MAP2K4: variants seen among roughly 807,000 people sequenced by gnomAD.
MAP2K4 encodes the protein mitogen-activated protein kinase kinase 4.
Under a neutral mutation model 48.5 loss-of-function variants are expected in MAP2K4, and 4 were observed. That is an observed-to-expected ratio of 0.08 (90% confidence interval 0.04 to 0.19). MAP2K4 has a LOEUF of 0.19. Ranked by LOEUF, MAP2K4 falls within the 10% of genes least tolerant of loss-of-function variation. The probability of loss-of-function intolerance (pLI) is 1.00; values close to 1 mark genes in which losing one functional copy is unlikely to be tolerated. For synonymous variants in MAP2K4, 166 were observed against 173.1 expected (o/e 0.96, Z 0.32); for missense variants, 258 against 493.3 (o/e 0.52, Z 4.52).
chr17:12,043,225 TG>T (rs1969851436), intron 1 of MAP2K4, among the ~76,000 whole-genome samples: 1 of 152,234 alleles, frequency 6.6e-6, no homozygotes, highest in South Asian at 2.1e-4. Context: ...ACTTGGAATT[TG>T]TTTTACTTGT....
At chr17:12,126,689 T>C (rs1416623814) in intron 8 of MAP2K4, among the ~76,000 whole-genome samples, 3 of 152,140 alleles carry the variant, frequency 2.0e-5, no homozygotes, top group Non-Finnish European at 4.4e-5. Context: ...CTTCAACATA[T>C]GGATTTGCTG....
intron 7 of MAP2K4, among the ~76,000 whole-genome samples, chr17:12,120,540 C>CA (rs1039128812): frequency 7.1e-6 from 1 of 140,974 alleles, no homozygotes; most frequent in African/African-American, 2.5e-5. Flanking sequence ...TCATTCCCCC[C>CA]CCCATAAAAA....
At chr17:12,131,772 AAGAC>A (rs1404627057) in intron 9 of MAP2K4, among the ~76,000 whole-genome samples, 3 of 152,194 alleles carry the variant, frequency 2.0e-5, no homozygotes, top group African/African-American at 7.2e-5. Flanking sequence ...CATTGATTAA[AAGAC>A]AGCACTGAAT....
chr17:12,035,389 C>T (rs958737611), intron 1 of MAP2K4, among the ~76,000 whole-genome samples: 4 of 152,086 alleles, frequency 2.6e-5, no homozygotes, highest in Admixed American at 1.3e-4. Context: ...TGGTGGCACA[C>T]GCCTGTAATC....
chr17:12,081,974 A>G lies in MAP2K4; in HGVS notation c.393+444A>G, dbSNP rs1273381280. 1.9e-6 allele frequency: 1 copy of G among 532,310 alleles called. No individual in the cohort carries two copies. The allele number at this position is 532,310 out of a possible 1,614,324, so 33.0% of individuals were successfully genotyped here. A position where few individuals can be genotyped will look rare whatever the true frequency, so the allele number is the denominator to read the frequency against. On this transcript the variant is annotated intron_variant, in intron 3 of 10. Coordinates refer to ENST00000353533, the MANE Select transcript of MAP2K4 (RefSeq NM_003010.4). This position sits in a 1 kb window ranked among gnomAD's most constrained non-coding sequence, Gnocchi z 4.2. The stretch of plus-strand genomic sequence containing the variant: ...TGGAAACCACGCACATGCTGTTGCC[A>G]CTAACCTCAACCTTACTCGGTCCTG...
intron 5 of MAP2K4, among the ~76,000 whole-genome samples, chr17:12,108,451 T>C (rs1180940761): frequency 1.3e-5 from 2 of 152,162 alleles, no homozygotes; most frequent in African/African-American, 4.8e-5. Flanking sequence ...CTAAATTTGG[T>C]TAACTCACTT....
intron 6 of MAP2K4, among the ~76,000 whole-genome samples, chr17:12,112,581 G>T (rs1413508949): frequency 6.6e-6 from 1 of 151,642 alleles, no homozygotes; most frequent in Non-Finnish European, 1.5e-5. Flanking sequence ...CACCTTCTGA[G>T]TTACATTTAG....
chr17:12,021,270 C>G (rs893728695), intron 1 of MAP2K4: 14 of 243,330 alleles, frequency 5.8e-5, no homozygotes, highest in Non-Finnish European at 8.6e-5. Context: ...CCCGCAGGGC[C>G]CACCTGGTCC....
intron 9 of MAP2K4, among the ~76,000 whole-genome samples, chr17:12,135,270 A>C (rs1200561244): frequency 3.3e-5 from 5 of 151,818 alleles, no homozygotes; most frequent in Non-Finnish European, 5.9e-5. Context: ...TATTTTTAGT[A>C]GAGTTGGGGT....
At position 12,096,067 on chromosome 17, in the gene MAP2K4, T is replaced by TCCCCCCCCCCCCCC. The variant is rs570546554; in HGVS notation, c.513+381_513+394dup. On this transcript the variant is annotated intron_variant, in intron 4 of 10. Coordinates refer to ENST00000353533, the MANE Select transcript of MAP2K4 (RefSeq NM_003010.4). ...TTTTCATTGGGCCTTGAGCAACGCCTCCCCCCCCCCCCCCCCCCCCCGCCG... is the reference window on the plus strand; with the variant it reads ...TTTTCATTGGGCCTTGAGCAACGCCTCCCCCCCCCCCCCCCCCCCCCCCCCCCCCCCCCCCGCCG... Among the ~76,000 whole-genome samples the TCCCCCCCCCCCCCC allele has an allele frequency of 5.1e-4, 12 of 23,760 alleles. 3 individuals carry two copies. Among genetic ancestry groups the TCCCCCCCCCCCCCC allele is most frequent in the Non-Finnish European group, 6.5e-4 (8 of 12,298 alleles). The allele number at this position is 23,760 out of a possible 152,430, so 15.6% of individuals were successfully genotyped here. A position where few individuals can be genotyped will look rare whatever the true frequency, so the allele number is the denominator to read the frequency against.
intron 2 of MAP2K4, among the ~76,000 whole-genome samples, chr17:12,071,091 C>G (rs889804935): frequency 6.6e-6 from 1 of 152,194 alleles, no homozygotes; most frequent in Non-Finnish European, 1.5e-5. Flanking sequence ...TTGTGCATCT[C>G]TATCTTCTCC....
At chr17:12,035,072 A>G (rs1969551565) in intron 1 of MAP2K4, among the ~76,000 whole-genome samples, 1 of 152,214 alleles carries the variant, frequency 6.6e-6, no homozygotes, top group African/African-American at 2.4e-5. Context: ...TCAGTTGCTT[A>G]CATATATTAG....
At chr17:12,054,019 A>T (rs1970215768) in intron 1 of MAP2K4, among the ~76,000 whole-genome samples, 1 of 152,182 alleles carries the variant, frequency 6.6e-6, no homozygotes, top group African/African-American at 2.4e-5. Context: ...GTTACAAGGT[A>T]TCCTTTTAAG....
intron 4 of MAP2K4, among the ~76,000 whole-genome samples, chr17:12,106,149 GTTTC>G (rs1339902550): frequency 6.6e-6 from 1 of 151,874 alleles, no homozygotes; most frequent in Non-Finnish European, 1.5e-5. Context: ...TATTGAGGTT[GTTTC>G]TTTCTACTGT....
At chr17:12,096,160 AT>A (rs1350915322) in intron 4 of MAP2K4, among the ~76,000 whole-genome samples, 3 of 141,774 alleles carry the variant, frequency 2.1e-5, no homozygotes, top group Non-Finnish European at 4.5e-5. Flanking sequence ...ATAAACACTT[AT>A]GTGTCCCTGC....
intron 3 of MAP2K4, among the ~76,000 whole-genome samples, chr17:12,090,019 G>A (rs1971511058): frequency 6.6e-6 from 1 of 152,074 alleles, no homozygotes; most frequent in Non-Finnish European, 1.5e-5. Context: ...TTTTTGCCTA[G>A]AATGTTCAGA....
At chr17:12,047,334 ACTAT>A (rs1199044755) in intron 1 of MAP2K4, among the ~76,000 whole-genome samples, 1 of 152,190 alleles carries the variant, frequency 6.6e-6, no homozygotes, top group Non-Finnish European at 1.5e-5. Context: ...GGAATGAGTG[ACTAT>A]CTAGCTGACT....
At chr17:12,133,540 C>T (rs895465724) in intron 9 of MAP2K4, among the ~76,000 whole-genome samples, 1 of 152,180 alleles carries the variant, frequency 6.6e-6, no homozygotes, top group African/African-American at 2.4e-5. Context: ...ATTTTGCTCT[C>T]CTCAGATCTC....
At chr17:12,129,517 G>A (rs1177069831) in intron 9 of MAP2K4, among the ~76,000 whole-genome samples, 1 of 152,198 alleles carries the variant, frequency 6.6e-6, no homozygotes, top group Non-Finnish European at 1.5e-5. Context: ...ACAGCCATGA[G>A]TGGTGGAGAG....
Sources: gnomAD v4.1 joint callset for allele counts (sites outside exome capture counted in the v4.1 genomes callset) on GRCh38, gnomAD v4.1.1 for gene constraint, Gnocchi (gnomAD v3.1) non-coding constraint, MANE v1.5 for transcripts, NCBI Gene and HGNC (gene_info 2026-07-23, HGNC 2026-07-21) for gene names.